NFASC: variants seen among roughly 807,000 people sequenced by gnomAD.
NFASC encodes neurofascin.
In NFASC, 43 loss-of-function variants were observed where a neutral mutation model predicts 147.5. That is an observed-to-expected ratio of 0.29 (90% CI 0.23 to 0.38). The LOEUF (loss-of-function observed/expected upper bound fraction) is 0.38. NFASC is among the 10% of genes least tolerant of loss of function. The pLI, the probability that NFASC is intolerant of heterozygous loss-of-function variation, is 1.00. For missense variants in NFASC, 1,320 were observed against 1,689.0 expected, an observed-to-expected ratio of 0.78 and a Z score of 3.83; for synonymous variants, 622 against 665.5, an observed-to-expected ratio of 0.93 and a Z score of 1.01.
At chr1:204,931,001 C>G (rs987745800) in intron 2 of NFASC, among the ~76,000 whole-genome samples, 2 of 151,972 alleles carry the variant, frequency 1.3e-5, no homozygotes, top group African/African-American at 4.8e-5. Flanking sequence ...TGGACAAATC[C>G]TGGAGTTGTC....
chr1:204,919,304 C>T (rs1390573057), intron 1 of NFASC, among the ~76,000 whole-genome samples: 2 of 152,078 alleles, frequency 1.3e-5, no homozygotes, highest in South Asian at 2.1e-4. Flanking sequence ...GGATTACAGG[C>T]GTGAGCCACC....
At chr1:204,966,937 C>CG (rs1210359616) in intron 8 of NFASC, among the ~76,000 whole-genome samples, 1 of 152,170 alleles carries the variant, frequency 6.6e-6, no homozygotes, top group Non-Finnish European at 1.5e-5. Context: ...ACAGGAGCCC[C>CG]GCCGGTGCAG....
intron 25 of NFASC, chr1:204,997,620 C>G (rs755069635): frequency 1.6e-6 from 1 of 638,074 alleles, no homozygotes; most frequent in Non-Finnish European, 2.8e-6. Context: ...CTGACACACA[C>G]ACACTCCTTG....
intron 1 of NFASC, among the ~76,000 whole-genome samples, chr1:204,830,702 T>C (rs1458054369): frequency 6.6e-6 from 1 of 151,460 alleles, no homozygotes; most frequent in Non-Finnish European, 1.5e-5. Flanking sequence ...GGAAAGAGAC[T>C]CACTCCCACT....
In NFASC at chr1:204,920,709, T is replaced by G. The variant is rs1411043806; in HGVS notation, c.-122T>G. On this transcript the variant is annotated 5_prime_UTR_variant, in exon 2 of 30. Transcript: ENST00000339876. ...GCCTGGAACAGAGCCTCCTCTGGTG[T>G]TGCAAGGAAGAGGCTGAATGAGGCA... 1 of 1,289,384 alleles carries G rather than the reference T, an allele frequency of 7.8e-7. No individual in the cohort carries two copies. Among genetic ancestry groups the G allele is most frequent in the Admixed American group, 2.3e-5 (1 of 43,534 alleles). The allele number at this position is 1,289,384 out of a possible 1,614,324, so 79.9% of individuals were successfully genotyped here. A position where few individuals can be genotyped will look rare whatever the true frequency, so the allele number is the denominator to read the frequency against.
chr1:205,000,631 T>C (rs1356574119), intron 25 of NFASC: 1 of 167,728 alleles, frequency 6.0e-6, no homozygotes, highest in Non-Finnish European at 1.3e-5. Flanking sequence ...TAAGTCCAGG[T>C]TAAAGCCTCA....
At chr1:204,828,853 T>G in intron 1 of NFASC, 71 bp downstream of exon 1, 2 of 957,862 alleles carry the variant, frequency 2.1e-6, no homozygotes, top group Non-Finnish European at 2.5e-6. Context: ...CACCCCCTTG[T>G]TCCCGCCCTC....
rs191975067 is a variant in NFASC, at chr1:204,891,439, A to C, written c.-199-29193A>C. Among the ~76,000 whole-genome samples, 118 of 152,232 alleles carry C rather than the reference A, an allele frequency of 7.8e-4. 1 individual carries two copies. Among genetic ancestry groups the C allele is most frequent in the South Asian group, 5.0e-3 (24 of 4,822 alleles). On this transcript the variant is annotated intron_variant, in intron 1 of 29. Transcript: ENST00000339876. ...AATTTCTGGGTTGCACATGCCTGGG[A>C]TCTCTGAATAGGTCCTACTTTATCT...
Position 204,857,825 on chromosome 1 carries a change from G to T in NFASC, c.-200+29043G>T, listed in dbSNP as rs149938433. ...TGACAGGGTTGGTTTCTTTTGCAGGGTCCTCTACTTGGCTGCAGATGGCCA... is the reference window on the plus strand; with the variant it reads ...TGACAGGGTTGGTTTCTTTTGCAGGTTCCTCTACTTGGCTGCAGATGGCCA... On this transcript the variant is annotated intron_variant, in intron 1 of 29. Coordinates refer to ENST00000339876, the MANE Select transcript of NFASC (RefSeq NM_001005388.3). Among the ~76,000 whole-genome samples the T allele has an allele frequency of 3.9e-4, 59 of 152,050 alleles. 1 individual carries two copies. In the East Asian group the frequency reaches 0.011, roughly 28 times the overall value.
chr1:204,889,585 A>C (rs1403477581), intron 1 of NFASC, among the ~76,000 whole-genome samples: 1 of 152,198 alleles, frequency 6.6e-6, no homozygotes, highest in African/African-American at 2.4e-5. Flanking sequence ...ACTTTTACCC[A>C]CACACTGGTG....
At chr1:204,938,936 C>T (rs2093115903) in intron 2 of NFASC, among the ~76,000 whole-genome samples, 1 of 152,180 alleles carries the variant, frequency 6.6e-6, no homozygotes, top group South Asian at 2.1e-4. Flanking sequence ...GTCAGTAACA[C>T]ACCTAACCAA....
chr1:204,954,305 A>C lies in NFASC; in HGVS notation c.333A>C (p.Glu111Asp), dbSNP rs749194288. 1 of 1,614,148 alleles carries C rather than the reference A, an allele frequency of 6.2e-7. No homozygotes were observed. The highest frequency in any genetic ancestry group is 8.5e-7 in the Non-Finnish European group (1 of 1,179,998). The change falls in exon 6 of 30, where the codon GAA (glutamate) becomes GAC (aspartate). Residue 111 changes from glutamate to aspartate, a missense_variant. Transcript: ENST00000339876. The surrounding 1 kb of genome is among the most constrained non-coding windows in gnomAD (Gnocchi z 5.7). ...TCCGCAGTGGCGGGCGGCCGGAGGA[A>C]TATGAGGGGGAATATCAGTGCTTCG... The part of the protein sequence containing the change: ...IDFRSGGRPE[E>D]YEGEYQCFAR...
chr1:204,930,294 C>T (rs978109483), intron 2 of NFASC, among the ~76,000 whole-genome samples: 2 of 152,120 alleles, frequency 1.3e-5, no homozygotes, highest in African/African-American at 4.8e-5. Flanking sequence ...ATGAGCATGT[C>T]TGCAGAGCCG....
At chr1:205,014,891 C>T (rs1202343911) in intron 29 of NFASC, among the ~76,000 whole-genome samples, 6 of 152,268 alleles carry the variant, frequency 3.9e-5, no homozygotes, top group African/African-American at 9.6e-5. Flanking sequence ...AGGAGCCTGG[C>T]GATTTCCCTC....
chr1:204,923,308 T>C (rs1487169732), intron 2 of NFASC, among the ~76,000 whole-genome samples: 2 of 152,096 alleles, frequency 1.3e-5, no homozygotes, highest in African/African-American at 4.8e-5. Flanking sequence ...GCCCCAAGCG[T>C]CTGCTCCTGA....
At position 204,984,151 on chromosome 1, in the gene NFASC, G is replaced by A. The variant is rs374173119; in HGVS notation, c.2470+2131G>A. 322 of 1,595,456 alleles carry A rather than the reference G, an allele frequency of 2.0e-4. 1 individual carries two copies. The highest frequency in any genetic ancestry group is 2.6e-4 in the Non-Finnish European group (307 of 1,163,100). ...AGCTCAGAGAGTACCGAGTGAGGAA[G>A]CCAGCTCCGGACTCACCTAACTACC... On this transcript the variant is annotated intron_variant, in intron 21 of 29. Coordinates refer to ENST00000339876, the MANE Select transcript of NFASC (RefSeq NM_001005388.3).
intron 1 of NFASC, among the ~76,000 whole-genome samples, chr1:204,834,343 T>C (rs1043504562): frequency 2.0e-5 from 3 of 152,214 alleles, no homozygotes; most frequent in South Asian, 2.1e-4. Flanking sequence ...GTTTCTGGGA[T>C]TTATGTCATT....
chr1:204,928,591 G>A (rs1019647925), intron 2 of NFASC, among the ~76,000 whole-genome samples: 4 of 152,172 alleles, frequency 2.6e-5, no homozygotes, highest in African/African-American at 7.2e-5. Flanking sequence ...ATACAATGAC[G>A]TGAGTTGTAC....
At chr1:204,931,483 T>G (rs189123450) in intron 2 of NFASC, among the ~76,000 whole-genome samples, 1 of 152,336 alleles carries the variant, frequency 6.6e-6, no homozygotes, top group African/African-American at 2.4e-5. Flanking sequence ...TCCCCAACAA[T>G]TTCCTGTGGC....
Sources: gnomAD v4.1 joint callset for allele counts (sites outside exome capture counted in the v4.1 genomes callset) on GRCh38, gnomAD v4.1.1 for gene constraint, Gnocchi (gnomAD v3.1) non-coding constraint, MANE v1.5 for transcripts, NCBI Gene and HGNC (gene_info 2026-07-23, HGNC 2026-07-21) for gene names.